CNTNAP2: variants seen among roughly 807,000 people sequenced by gnomAD.
CNTNAP2 encodes the protein contactin-associated protein-like 2.
CNTNAP2 carries 98 observed loss-of-function variants against 155.2 expected under a neutral mutation model. That is an observed-to-expected ratio of 0.63 (90% CI 0.54 to 0.75). CNTNAP2 has a LOEUF of 0.75. CNTNAP2 is among the 30% of genes least tolerant of loss of function. CNTNAP2 has a pLI of 0.00. For missense variants in CNTNAP2, 1,727 were observed against 1,688.1 expected (o/e 1.02, Z -0.40); for synonymous variants, 651 against 631.2 (o/e 1.03, Z -0.47).
intron 1 of CNTNAP2, among the ~76,000 whole-genome samples, chr7:146,393,248 A>C (rs775394708): frequency 2.0e-5 from 3 of 152,140 alleles, no homozygotes; most frequent in Non-Finnish European, 4.4e-5. Context: ...AAGTTCTTTC[A>C]TATTCTTCCC....
chr7:147,065,772 C>T (rs1337530902), intron 4 of CNTNAP2, among the ~76,000 whole-genome samples: 1 of 151,992 alleles, frequency 6.6e-6, no homozygotes, highest in Non-Finnish European at 1.5e-5. Flanking sequence ...ATGTAAGTTG[C>T]ACAAAGCTAA....
intron 1 of CNTNAP2, among the ~76,000 whole-genome samples, chr7:146,553,977 G>T (rs1798159361): frequency 6.6e-6 from 1 of 152,080 alleles, no homozygotes; most frequent in Admixed American, 6.5e-5. Flanking sequence ...ATAAATACTT[G>T]AAATGTTTGA....
rs1801106374 is a variant in CNTNAP2, at chr7:147,121,266, T to C, written c.939+103T>C. On this transcript the variant is annotated intron_variant, in intron 6 of 23. Transcript: ENST00000361727. ...ATTATATTACTACTTACACCTTTTT[T>C]ATTTTCTTCTCTAAACAAGACACTG... The C allele has an allele frequency of 5.9e-5, 67 of 1,134,568 alleles. No individual in the cohort carries two copies. The South Asian group carries it at 9.5e-4, about 16-fold the overall frequency. The allele number at this position is 1,134,568 out of a possible 1,614,324, so 70.3% of individuals were successfully genotyped here.
Position 148,394,202 on chromosome 7 carries a change from GGGTGGAA to G in CNTNAP2, c.3715+10325_3715+10331del, listed in dbSNP as rs371786639. Among the ~76,000 whole-genome samples, 112 of 151,926 alleles carry G rather than the reference GGGTGGAA, an allele frequency of 7.4e-4. 1 individual carries two copies. The highest frequency in any genetic ancestry group is 2.6e-3 in the African/African-American group (106 of 41,422). ...TATTTTCTTCCCTGGAAATTTATTT[GGGTGGAA>G]GGTGGAAGGTAAAAATCTCACTTTA... On this transcript the variant is annotated intron_variant, in intron 22 of 23. Coordinates refer to ENST00000361727, the MANE Select transcript of CNTNAP2 (RefSeq NM_014141.6).
chr7:147,470,117 A>G (rs935109626), intron 10 of CNTNAP2, among the ~76,000 whole-genome samples: 5 of 152,180 alleles, frequency 3.3e-5, no homozygotes, highest in African/African-American at 1.2e-4. Flanking sequence ...TCAGGTAGGA[A>G]GCCATCTAAA....
At chr7:148,158,199 TGATGATA>T (rs1178816925) in intron 17 of CNTNAP2, among the ~76,000 whole-genome samples, 1 of 144,404 alleles carries the variant, frequency 6.9e-6, no homozygotes, top group African/African-American at 2.6e-5. Context: ...AGGAAGTGAG[TGATGATA>T]GGTACAATGT....
At chr7:147,769,986 C>T (rs1031262248) in intron 13 of CNTNAP2, among the ~76,000 whole-genome samples, 3 of 152,078 alleles carry the variant, frequency 2.0e-5, no homozygotes, top group African/African-American at 4.8e-5. Flanking sequence ...TGACTTTTTT[C>T]GTTTATTTTT....
chr7:147,790,490 A>G (rs917643556), intron 13 of CNTNAP2, among the ~76,000 whole-genome samples: 6 of 152,210 alleles, frequency 3.9e-5, no homozygotes, highest in African/African-American at 1.4e-4. Flanking sequence ...CCTCCCTGCT[A>G]AAAGGAAACC....
intron 8 of CNTNAP2, among the ~76,000 whole-genome samples, chr7:147,231,809 A>G (rs1803687105): frequency 6.6e-6 from 1 of 152,160 alleles, no homozygotes; most frequent in South Asian, 2.1e-4. Context: ...TGAGATCTTT[A>G]TATGATTTGG....
chr7:146,223,515 G>A (rs1233954094), intron 1 of CNTNAP2, among the ~76,000 whole-genome samples: 2 of 152,122 alleles, frequency 1.3e-5, no homozygotes, highest in Non-Finnish European at 2.9e-5. Flanking sequence ...GTCTAGTTTA[G>A]GTGAATGAGT....
At chr7:146,768,073 T>C (rs1585081140) in intron 1 of CNTNAP2, among the ~76,000 whole-genome samples, 1 of 152,068 alleles carries the variant, frequency 6.6e-6, no homozygotes, top group Non-Finnish European at 1.5e-5. Flanking sequence ...TTTCCACATA[T>C]TATTAAAGAA....
At chr7:147,905,816 G>A (rs1253715780) in intron 14 of CNTNAP2, among the ~76,000 whole-genome samples, 3 of 151,996 alleles carry the variant, frequency 2.0e-5, no homozygotes, top group Non-Finnish European at 2.9e-5. Flanking sequence ...CCCAGGAGGC[G>A]GAGCTTGCAG....
intron 3 of CNTNAP2, among the ~76,000 whole-genome samples, chr7:146,940,647 A>G (rs928564949): frequency 6.6e-6 from 1 of 151,984 alleles, no homozygotes; most frequent in Non-Finnish European, 1.5e-5. Context: ...ATTGAATTTA[A>G]GCTCCACAGA....
chr7:146,417,625 C>A (rs1039346321), intron 1 of CNTNAP2, among the ~76,000 whole-genome samples: 1 of 151,020 alleles, frequency 6.6e-6, no homozygotes, highest in African/African-American at 2.5e-5. Flanking sequence ...TTTTAATCAT[C>A]TCTCTTTTAC....
At chr7:146,276,984 A>T (rs577432550) in intron 1 of CNTNAP2, among the ~76,000 whole-genome samples, 1 of 152,340 alleles carries the variant, frequency 6.6e-6, no homozygotes, top group South Asian at 2.1e-4. Context: ...ACTGGTAATT[A>T]AGTGAAAGAT....
chr7:147,481,124 G>A (rs529074281), intron 10 of CNTNAP2, among the ~76,000 whole-genome samples: 2 of 152,202 alleles, frequency 1.3e-5, no homozygotes, highest in Non-Finnish European at 2.9e-5. Context: ...ACCAAATATG[G>A]TTTTAAAGGT....
intron 8 of CNTNAP2, among the ~76,000 whole-genome samples, chr7:147,251,258 G>A (rs1282461787): frequency 6.6e-6 from 1 of 152,158 alleles, no homozygotes; most frequent in Non-Finnish European, 1.5e-5. Context: ...CCCTGCCGAA[G>A]ACTCTGCCCA....
chr7:147,945,587 A>G (rs1055607799), intron 14 of CNTNAP2, among the ~76,000 whole-genome samples: 2 of 152,028 alleles, frequency 1.3e-5, no homozygotes, highest in African/African-American at 4.8e-5. Context: ...ACAACAAAAA[A>G]GAGAAATGAG....
chr7:147,659,487 A>C (rs1384061912), intron 13 of CNTNAP2, among the ~76,000 whole-genome samples: 4 of 152,242 alleles, frequency 2.6e-5, no homozygotes, highest in Non-Finnish European at 5.9e-5. Context: ...ACATAGAGGA[A>C]ACCACTGGGG....
Sources: gnomAD v4.1 joint callset for allele counts (sites outside exome capture counted in the v4.1 genomes callset) on GRCh38, gnomAD v4.1.1 for gene constraint, MANE v1.5 for transcripts, NCBI Gene and HGNC (gene_info 2026-07-23, HGNC 2026-07-21) for gene names.